The following NR5A1 variants were observed in gnomAD, a reference collection of about 807,000 sequenced individuals.
The protein encoded by NR5A1 is nuclear receptor subfamily 5 group A member 1.
NR5A1 carries 6 observed loss-of-function variants against 42.7 expected under a neutral mutation model. The ratio of observed to expected loss-of-function variants is 0.14; its 90% CI spans 0.08 to 0.28. The LOEUF is 0.28. NR5A1 is among the 10% of genes least tolerant of loss of function. The pLI, the probability that NR5A1 is intolerant of heterozygous loss-of-function variation, is 1.00. For missense variants in NR5A1, 442 were observed against 626.4 expected, an observed-to-expected ratio of 0.71 and a Z score of 3.14; for synonymous variants, 274 against 277.5, an observed-to-expected ratio of 0.99 and a Z score of 0.12.
At position 124,500,540 on chromosome 9, in the gene NR5A1, C is replaced by A; in HGVS notation, c.420G>T (p.Leu140=). 1.9e-6 allele frequency: 3 copies of A among 1,609,068 alleles called. No individual in the cohort carries two copies. The highest frequency in any genetic ancestry group is 2.5e-6 in the Non-Finnish European group (3 of 1,179,428). The part of the protein sequence containing the change: ...PPPPPAPDYV[L]PPSLHGPEPK... ...GCTCAGGCCCATGCAGGCTGGGAGG[C>A]AGCACGTAGTCCGGTGCGGGAGGGG... Residue 140 remains leucine, a synonymous_variant, in exon 4 of 7, where the codon CTG becomes CTT. Transcript: ENST00000373588. This position sits in a 1 kb window ranked among gnomAD's most constrained non-coding sequence, Gnocchi z 6.9.
intron 6 of NR5A1, among the ~76,000 whole-genome samples, chr9:124,487,559 C>T (rs1002699963): frequency 6.6e-6 from 1 of 152,250 alleles, no homozygotes; most frequent in Non-Finnish European, 1.5e-5. Context: ...CCTCCCGAGA[C>T]GGCTATTTAG....
At position 124,482,717 on chromosome 9, in the gene NR5A1, CCAGTCCCGCCCCCAGT is replaced by C; in HGVS notation, c.*25_*40del. ...CTGCGGCCCCGCCCAGGCCCCGCCCCCAGTCCCGCCCCCAGTCCCGGCCCCGCCCCCGGCCCAGGCT... is the reference window on the plus strand; with the variant it reads ...CTGCGGCCCCGCCCAGGCCCCGCCCCCCCGGCCCCGCCCCCGGCCCAGGCT... On this transcript the variant is annotated 3_prime_UTR_variant, in exon 7 of 7. Transcript: ENST00000373588. 4.8e-6 allele frequency: 4 copies of C among 828,394 alleles called. No homozygotes were observed. The highest frequency in any genetic ancestry group is 3.8e-6 in the Non-Finnish European group (2 of 524,860). The allele number at this position is 828,394 out of a possible 1,614,324, so 51.3% of individuals were successfully genotyped here.
In NR5A1 at chr9:124,496,212, T is replaced by C. The variant is rs1832388927; in HGVS notation, c.871-3063A>G. On this transcript the variant is annotated intron_variant, in intron 4 of 6. Coordinates refer to ENST00000373588, the MANE Select transcript of NR5A1 (RefSeq NM_004959.5). This position sits in a 1 kb window ranked among gnomAD's most constrained non-coding sequence, Gnocchi z 5.0. ...CACACACACACACACACACACAACC[T>C]CTTTTTATTTAAAAGAAAACCACAG... is the stretch of plus-strand genomic sequence containing the variant. Among the ~76,000 whole-genome samples the C allele has an allele frequency of 1.3e-5, 2 of 151,106 alleles. No homozygotes were observed. Among genetic ancestry groups the C allele is most frequent in the South Asian group, 4.2e-4 (2 of 4,740 alleles).
Position 124,502,983 on chromosome 9 carries a change from G to A in NR5A1, c.244+96C>T, listed in dbSNP as rs899463881. On this transcript the variant is annotated intron_variant, in intron 3 of 6. Coordinates refer to ENST00000373588, the MANE Select transcript of NR5A1 (RefSeq NM_004959.5). Reference sequence around the variant, plus strand: ...ATGTCGCACGAGGGGCCTTCGCGAAGGCCAATGGTACTATCCCCTCAGCCC... The same window carrying A: ...ATGTCGCACGAGGGGCCTTCGCGAAAGCCAATGGTACTATCCCCTCAGCCC... 1.6e-5 allele frequency: 23 copies of A among 1,452,330 alleles called. 1 individual carries two copies. The Admixed American group carries it at 4.4e-4, about 28-fold the overall frequency. 90.0% of individuals were successfully genotyped at this position (1,452,330 alleles called of 1,614,324 possible). A position where few individuals can be genotyped will look rare whatever the true frequency, so the allele number is the denominator to read the frequency against.
At position 124,491,484 on chromosome 9, in the gene NR5A1, C is replaced by T. The variant is rs187083430; in HGVS notation, c.991-256G>A. 3.7e-3 allele frequency among the ~76,000 whole-genome samples: 559 copies of T among 152,242 alleles called. 4 individuals are homozygous for T. The highest frequency in any genetic ancestry group is 0.013 in the African/African-American group (522 of 41,534). ...AGCTGAGGCACCCACGTTCTGCCCG[C>T]GTCCACCCCTCCTTCACACACAAAC... On this transcript the variant is annotated intron_variant, in intron 5 of 6. Coordinates refer to ENST00000373588, the MANE Select transcript of NR5A1 (RefSeq NM_004959.5).
Position 124,503,110 on chromosome 9 carries a change from C to T in NR5A1, c.213G>A (p.Gln71=), listed in dbSNP as rs865902758. The T allele has an allele frequency of 6.3e-7, 1 of 1,592,268 alleles. No homozygotes were observed. Among genetic ancestry groups the T allele is most frequent in the East Asian group, 2.3e-5 (1 of 44,008 alleles). The change falls in exon 3 of 7, where the codon CAG becomes CAA. Residue 71 remains glutamine (Q), a synonymous_variant. Transcript: ENST00000373588. This position sits in a 1 kb window ranked among gnomAD's most constrained non-coding sequence, Gnocchi z 9.6. ...GGCGCATCCCCACCGTCAGGCATTT[C>T]TGGAAGCGGCAGAAGGGACAGCGCT... is the stretch of plus-strand genomic sequence containing the variant. ...QRKRCPFCRF[Q]KCLTVGMRLE...
At position 124,491,232 on chromosome 9, in the gene NR5A1, G is replaced by T; in HGVS notation, c.991-4C>A. The T allele has an allele frequency of 6.3e-7, 1 of 1,598,554 alleles. No individual in the cohort carries two copies. The highest frequency in any genetic ancestry group is 1.1e-5 in the South Asian group (1 of 90,264). ...TGGCCACTGTGGTCAGCTCCACCTG[G>T]GGGCAGAGGGCACGGGGCGGGGGAC... On this transcript the variant is annotated splice_region_variant and splice_polypyrimidine_tract_variant and intron_variant, in intron 5 of 6. Transcript: ENST00000373588.
chr9:124,504,206 C>A (rs1410590026), intron 1 of NR5A1, among the ~76,000 whole-genome samples: 2 of 152,114 alleles, frequency 1.3e-5, no homozygotes, highest in Non-Finnish European at 2.9e-5. Flanking sequence ...ACGAGAGGAG[C>A]CCCGGAGAGA....
At position 124,501,027 on chromosome 9, in the gene NR5A1, C is replaced by G; in HGVS notation, c.245-312G>C. ...CCTTCTGACTCAAACTTTTTTTTTT[C>G]TCTTGTGCTTGCTGAACACCCAGCC... On this transcript the variant is annotated intron_variant, in intron 3 of 6. Coordinates refer to ENST00000373588, the MANE Select transcript of NR5A1 (RefSeq NM_004959.5). The surrounding 1 kb of genome is among the most constrained non-coding windows in gnomAD (Gnocchi z 4.1). 1.5e-6 allele frequency: 1 copy of G among 645,556 alleles called. No individual in the cohort carries two copies. Among genetic ancestry groups the G allele is most frequent in the Non-Finnish European group, 2.9e-6 (1 of 339,604 alleles). 40.0% of individuals were successfully genotyped at this position (645,556 alleles called of 1,614,324 possible). A position where few individuals can be genotyped will look rare whatever the true frequency, so the allele number is the denominator to read the frequency against.
rs918132213 is a variant in NR5A1 at position 124,485,660 on chromosome 9, G to A, written c.1139-2655C>T. ...TTACATGGAAGTTCCCCGTTGTCCAGAGAGATGCTGCTATATCCATCCCAA... is the reference window on the plus strand; with the variant it reads ...TTACATGGAAGTTCCCCGTTGTCCAAAGAGATGCTGCTATATCCATCCCAA... On this transcript the variant is annotated intron_variant, in intron 6 of 6. Transcript: ENST00000373588. Among the ~76,000 whole-genome samples the A allele has an allele frequency of 4.6e-5, 7 of 152,220 alleles. No individual in the cohort carries two copies. The East Asian group carries it at 1.3e-3, about 29-fold the overall frequency.
intron 4 of NR5A1, 95 bp from the exon 5 acceptor site, chr9:124,493,244 T>G: frequency 6.7e-7 from 1 of 1,489,296 alleles, no homozygotes; most frequent in Non-Finnish European, 9.0e-7. Flanking sequence ...CAACTAGGCG[T>G]GCAGCCTGGG....
At chr9:124,488,880 C>T (rs551007986) in intron 6 of NR5A1, among the ~76,000 whole-genome samples, 3 of 152,390 alleles carry the variant, frequency 2.0e-5, no homozygotes, top group East Asian at 3.9e-4. Flanking sequence ...TGCGCACGCA[C>T]GCACCCTTCT....
chr9:124,490,446 TTGGGGAGTGAGG>T (rs1832290744), intron 6 of NR5A1, among the ~76,000 whole-genome samples: 1 of 152,144 alleles, frequency 6.6e-6, no homozygotes. Context: ...CCCCAAGTGC[TTGGGGAGTGAGG>T]TGGGTGGCCG....
Position 124,493,058 on chromosome 9 carries a change from C to T in NR5A1, c.962G>A (p.Gly321Asp), listed in dbSNP as rs759727563. 6 of 1,608,044 alleles carry T rather than the reference C, an allele frequency of 3.7e-6. No individual in the cohort carries two copies. The highest frequency in any genetic ancestry group is 1.1e-5 in the South Asian group (1 of 90,218). The part of the protein sequence containing the change: ...IYRQVQHGKE[G>D]SILLVTGQEV... ...CTGCCCGGTGACCAGCAGGATGCTGCCCTCCTTGCCGTGCTGGACCTGGCG... is the reference window on the plus strand; with the variant it reads ...CTGCCCGGTGACCAGCAGGATGCTGTCCTCCTTGCCGTGCTGGACCTGGCG... Residue 321 changes from glycine to aspartate, a missense_variant, in exon 5 of 7, where the codon GGC (glycine) becomes GAC (aspartate). Gly to Asp is a moderately conservative substitution (Grantham distance 94, BLOSUM62 -1). Coordinates refer to ENST00000373588, the MANE Select transcript of NR5A1 (RefSeq NM_004959.5).
chr9:124,492,380 T>A (rs1832329101), intron 5 of NR5A1, among the ~76,000 whole-genome samples: 1 of 149,696 alleles, frequency 6.7e-6, no homozygotes. Context: ...CCTGGCCATG[T>A]CCCTCCTCCT....
At position 124,503,282 on chromosome 9, in the gene NR5A1, C is replaced by G; in HGVS notation, c.102+12G>C. ...CCGTCTGCCGCACCCCTGCCGCGCGCTCGCCGCTCACCTTGCAGCTCTCAC... is the reference window on the plus strand; with the variant it reads ...CCGTCTGCCGCACCCCTGCCGCGCGGTCGCCGCTCACCTTGCAGCTCTCAC... On this transcript the variant is annotated intron_variant, in intron 2 of 6. Transcript: ENST00000373588. This position sits in a 1 kb window ranked among gnomAD's most constrained non-coding sequence, Gnocchi z 9.6. The G allele has an allele frequency of 6.2e-7, 1 of 1,608,648 alleles. No homozygotes were observed. The highest frequency in any genetic ancestry group is 8.5e-7 in the Non-Finnish European group (1 of 1,178,170).
chr9:124,491,028 C>T, intron 6 of NR5A1, 53 bp downstream of exon 6: 4 of 1,031,954 alleles, frequency 3.9e-6, no homozygotes, highest in Non-Finnish European at 4.2e-6. Flanking sequence ...CCCACCCTCC[C>T]ACCCACCCGC....
At chr9:124,504,775 G>C (rs1453901735) in intron 1 of NR5A1, among the ~76,000 whole-genome samples, 3 of 146,260 alleles carry the variant, frequency 2.1e-5, no homozygotes, top group Non-Finnish European at 4.6e-5. Flanking sequence ...GCCGCACCCG[G>C]GCGCAGCGCC....
In NR5A1 at chr9:124,498,159, G is replaced by A. The variant is rs1423985959; in HGVS notation, c.870+1931C>T. On this transcript the variant is annotated intron_variant, in intron 4 of 6. Coordinates refer to ENST00000373588, the MANE Select transcript of NR5A1 (RefSeq NM_004959.5). The surrounding 1 kb of genome is among the most constrained non-coding windows in gnomAD (Gnocchi z 4.6). ...AAATGAATGATCAGCTAGAAGAGAC[G>A]CCGGAGTCACCCACACCCCTCCCAC... is the stretch of plus-strand genomic sequence containing the variant. Among the ~76,000 whole-genome samples the A allele has an allele frequency of 2.0e-5, 3 of 152,092 alleles. No homozygotes were observed. The highest frequency in any genetic ancestry group is 6.5e-5 in the Admixed American group (1 of 15,272).
Sources: allele counts gnomAD v4.1 joint callset (sites outside exome capture counted in the v4.1 genomes callset), GRCh38; gene constraint gnomAD v4.1.1; non-coding constraint Gnocchi (gnomAD v3.1); transcripts MANE v1.5; gene names NCBI Gene and HGNC (gene_info 2026-07-23, HGNC 2026-07-21).